Variants in KLF12 observed in about 807,000 individuals in gnomAD.
KLF12 encodes the protein KLF transcription factor 12.
Under a neutral mutation model 37.8 loss-of-function variants are expected in KLF12, and 9 were observed. The ratio of observed to expected loss-of-function variants is 0.24; its 90% confidence interval spans 0.14 to 0.42. The LOEUF (loss-of-function observed/expected upper bound fraction) is 0.42, where lower values mean the gene tolerates loss of function less well. Ranked by LOEUF, KLF12 falls within the 10% of genes least tolerant of loss-of-function variation. KLF12 has a pLI of 1.00. For synonymous variants in KLF12, 208 were observed against 202.1 expected, an observed-to-expected ratio of 1.03 and a Z score of -0.25; for missense variants, 411 against 516.0, an observed-to-expected ratio of 0.80 and a Z score of 1.97.
At chr13:73,814,585 T>C (rs1883117099) in intron 4 of KLF12, among the ~76,000 whole-genome samples, 1 of 152,218 alleles carries the variant, frequency 6.6e-6, no homozygotes, top group South Asian at 2.1e-4. Flanking sequence ...ATCCTGACTT[T>C]AAATATAAAT....
the KLF12 span, among the ~76,000 whole-genome samples, chr13:74,156,917 CAG>C: frequency 3.3e-5 from 5 of 152,134 alleles, no homozygotes; most frequent in African/African-American, 1.2e-4. Flanking sequence ...CTATTGTAAA[CAG>C]TGCTGCAACG....
At chr13:73,897,934 C>T (rs1440641736) in intron 3 of KLF12, among the ~76,000 whole-genome samples, 2 of 152,150 alleles carry the variant, frequency 1.3e-5, no homozygotes, top group Non-Finnish European at 2.9e-5. Context: ...CCTATGAGCC[C>T]CTACTTGCCC....
intron 2 of KLF12, among the ~76,000 whole-genome samples, chr13:73,950,894 G>C (rs1295913946): frequency 6.6e-6 from 1 of 152,128 alleles, no homozygotes; most frequent in Non-Finnish European, 1.5e-5. Flanking sequence ...TAATGCTCAG[G>C]ACCTACCCAC....
At chr13:73,805,937 C>T (rs537405292) in intron 5 of KLF12, among the ~76,000 whole-genome samples, 15 of 151,766 alleles carry the variant, frequency 9.9e-5, no homozygotes, top group East Asian at 2.0e-4. Context: ...CCCAGGCAGC[C>T]GGGATTACAG....
the KLF12 span, among the ~76,000 whole-genome samples, chr13:74,227,646 C>G: frequency 6.6e-6 from 1 of 151,920 alleles, no homozygotes; most frequent in Non-Finnish European, 1.5e-5. Context: ...CATAAGAATC[C>G]CCGTGGTTAT....
At chr13:73,774,980 C>T (rs1458088040) in intron 5 of KLF12, among the ~76,000 whole-genome samples, 2 of 149,374 alleles carry the variant, frequency 1.3e-5, no homozygotes, top group African/African-American at 2.5e-5. Context: ...TACAATGGCA[C>T]GATCTCAGCT....
intron 1 of KLF12, among the ~76,000 whole-genome samples, chr13:74,049,427 G>T (rs1461430741): frequency 6.6e-6 from 1 of 152,162 alleles, no homozygotes; most frequent in African/African-American, 2.4e-5. Flanking sequence ...TGACTCTGCT[G>T]AGAAGAGCAC....
intron 3 of KLF12, 38 bp downstream of exon 3, chr13:73,943,943 T>G (rs940487690): frequency 7.9e-7 from 1 of 1,270,594 alleles, no homozygotes; most frequent in Non-Finnish European, 1.1e-6. Flanking sequence ...GCCACTCTCA[T>G]CAAAAGGAGT....
chr13:73,940,488 T>C (rs1384213284), intron 3 of KLF12, among the ~76,000 whole-genome samples: 1 of 152,186 alleles, frequency 6.6e-6, no homozygotes, highest in Admixed American at 6.5e-5. Context: ...CCGGTTCACA[T>C]GGCTACGAGA....
chr13:73,706,582 C>T (rs1385861993), intron 7 of KLF12, among the ~76,000 whole-genome samples: 1 of 152,178 alleles, frequency 6.6e-6, no homozygotes, highest in Non-Finnish European at 1.5e-5. Flanking sequence ...CATTTTGTTA[C>T]CAATCCAAAT....
At chr13:73,840,229 T>C (rs1884666369) in intron 4 of KLF12, among the ~76,000 whole-genome samples, 1 of 152,118 alleles carries the variant, frequency 6.6e-6, no homozygotes, top group South Asian at 2.1e-4. Flanking sequence ...TTAACATTAC[T>C]CCACTTTCCT....
At chr13:74,057,324 C>T (rs1173395859) in intron 1 of KLF12, among the ~76,000 whole-genome samples, 1 of 152,202 alleles carries the variant, frequency 6.6e-6, no homozygotes, top group Non-Finnish European at 1.5e-5. Flanking sequence ...AGACACAAAG[C>T]TGGAAATCCA....
chr13:74,289,870 G>T, the KLF12 span, among the ~76,000 whole-genome samples: 1 of 152,146 alleles, frequency 6.6e-6, no homozygotes, highest in Non-Finnish European at 1.5e-5. Context: ...ATCATTAAAG[G>T]ACAGCCACCT....
chr13:74,004,851 A>G (rs1266215585), intron 1 of KLF12, among the ~76,000 whole-genome samples: 1 of 152,134 alleles, frequency 6.6e-6, no homozygotes, highest in Non-Finnish European at 1.5e-5. Flanking sequence ...ATTTGTGTGT[A>G]AAGTCTCCTA....
At chr13:73,914,121 C>A (rs1005034892) in intron 3 of KLF12, among the ~76,000 whole-genome samples, 6 of 152,180 alleles carry the variant, frequency 3.9e-5, no homozygotes, top group African/African-American at 9.7e-5. Flanking sequence ...CCATCCTATA[C>A]CCCAAACCAC....
chr13:74,035,521 AT>A (rs1357148281), intron 1 of KLF12, among the ~76,000 whole-genome samples: 4 of 152,118 alleles, frequency 2.6e-5, no homozygotes, highest in Non-Finnish European at 1.5e-5. Flanking sequence ...TTCATAGTAC[AT>A]TTTTTTGTTT....
At chr13:73,837,163 A>G (rs1479164218) in intron 4 of KLF12, among the ~76,000 whole-genome samples, 2 of 152,052 alleles carry the variant, frequency 1.3e-5, no homozygotes, top group East Asian at 3.9e-4. Context: ...TTTATTTACT[A>G]TTTAATGCAG....
chr13:73,898,764 C>A (rs1013115234), intron 3 of KLF12, among the ~76,000 whole-genome samples: 1 of 152,182 alleles, frequency 6.6e-6, no homozygotes, highest in Non-Finnish European at 1.5e-5. Flanking sequence ...ACTGGACACA[C>A]ATTTACACAA....
the KLF12 span, among the ~76,000 whole-genome samples, chr13:74,187,257 G>A: frequency 5.3e-5 from 8 of 152,082 alleles, no homozygotes; most frequent in Non-Finnish European, 1.2e-4. Flanking sequence ...CCAGATGATT[G>A]GGGCTGCAGT....
Sources: gnomAD v4.1 joint callset for allele counts (sites outside exome capture counted in the v4.1 genomes callset) on GRCh38, gnomAD v4.1.1 for gene constraint, MANE v1.5 for transcripts, NCBI Gene and HGNC (gene_info 2026-07-23, HGNC 2026-07-21) for gene names.